The following VWA8 variants were observed in gnomAD, a reference collection of about 807,000 sequenced individuals.
VWA8 encodes the protein von Willebrand factor A domain containing 8.
In VWA8, 221 loss-of-function variants were observed where a neutral mutation model predicts 241.5. That is an observed-to-expected ratio of 0.91 (90% CI 0.82 to 1.02). The LOEUF (loss-of-function observed/expected upper bound fraction) is 1.02, where lower values mean the gene tolerates loss of function less well. VWA8 is among the 50% of genes least tolerant of loss of function. The pLI, the probability that VWA8 is intolerant of heterozygous loss-of-function variation, is 0.00. For missense variants in VWA8, 2,322 were observed against 2,328.7 expected (o/e 1.00, Z 0.06); for synonymous variants, 852 against 827.1 (o/e 1.03, Z -0.52).
At chr13:41,625,054 T>C (rs1002640278) in intron 37 of VWA8, among the ~76,000 whole-genome samples, 1 of 152,118 alleles carries the variant, frequency 6.6e-6, no homozygotes, top group Non-Finnish European at 1.5e-5. Context: ...AAATCAAGAA[T>C]GCAATCCCAT....
At chr13:41,847,642 G>C (rs1462419323) in intron 12 of VWA8, among the ~76,000 whole-genome samples, 1 of 152,168 alleles carries the variant, frequency 6.6e-6, no homozygotes, top group Admixed American at 6.5e-5. Flanking sequence ...AATTACTTTA[G>C]ACTCTCTGGT....
chr13:41,826,554 A>G (rs8001821), intron 14 of VWA8, among the ~76,000 whole-genome samples: 4 of 152,148 alleles, frequency 2.6e-5, no homozygotes, highest in African/African-American at 9.7e-5. Flanking sequence ...GTTCATCAGA[A>G]TATACCATGG....
At chr13:41,912,965 A>C (rs1219870354) in intron 2 of VWA8, among the ~76,000 whole-genome samples, 1 of 152,196 alleles carries the variant, frequency 6.6e-6, no homozygotes, top group Non-Finnish European at 1.5e-5. Flanking sequence ...AACCTTGTAC[A>C]TCAAGAGACA....
chr13:41,796,273 C>A (rs923946315), intron 17 of VWA8, among the ~76,000 whole-genome samples: 6 of 152,002 alleles, frequency 3.9e-5, no homozygotes, highest in Non-Finnish European at 8.8e-5. Context: ...TTATTTAAGG[C>A]AGGGATTCTA....
chr13:41,842,337 C>T (rs1423325658), intron 12 of VWA8, among the ~76,000 whole-genome samples: 1 of 152,148 alleles, frequency 6.6e-6, no homozygotes, highest in Non-Finnish European at 1.5e-5. Context: ...TTTGTAAACT[C>T]TTCCATCCTT....
At chr13:41,752,897 A>G (rs1455613446) in intron 21 of VWA8, among the ~76,000 whole-genome samples, 1 of 152,190 alleles carries the variant, frequency 6.6e-6, no homozygotes, top group African/African-American at 2.4e-5. Flanking sequence ...TTTGATCTCT[A>G]AAACCCACGC....
chr13:41,932,184 AAC>A (rs1491448360), intron 2 of VWA8, among the ~76,000 whole-genome samples: 2 of 152,076 alleles, frequency 1.3e-5, no homozygotes, highest in African/African-American at 4.8e-5. Flanking sequence ...TTAAAAAAAA[AAC>A]ACTTATGCTA....
At position 41,623,422 on chromosome 13, in the gene VWA8, T is replaced by C. The variant is rs148855428; in HGVS notation, c.4612-8338A>G. The stretch of plus-strand genomic sequence containing the variant: ...TATAGTTAAGCCATTGTTATTTGGG[T>C]TTTCTGCTACTTGGAGTCAACTGCA... On this transcript the variant is annotated intron_variant, in intron 37 of 44. Transcript: ENST00000379310. Among the ~76,000 whole-genome samples, 152 of 152,294 alleles carry C rather than the reference T, an allele frequency of 1.0e-3. 5 individuals are homozygous for C. The highest frequency in any genetic ancestry group is 3.4e-3 in the African/African-American group (140 of 41,560).
chr13:41,813,139 G>C (rs1870543313), intron 16 of VWA8, among the ~76,000 whole-genome samples: 1 of 152,112 alleles, frequency 6.6e-6, no homozygotes, highest in Non-Finnish European at 1.5e-5. Flanking sequence ...ATTCTTAAAG[G>C]CACTAGGATT....
chr13:41,744,962 C>T (rs958097987), intron 21 of VWA8, among the ~76,000 whole-genome samples: 10 of 151,982 alleles, frequency 6.6e-5, no homozygotes, highest in Non-Finnish European at 5.9e-5. Flanking sequence ...CTCAGCCTCC[C>T]GAGTAGCTGG....
At chr13:41,920,377 C>A (rs1363975323) in intron 2 of VWA8, among the ~76,000 whole-genome samples, 1 of 152,052 alleles carries the variant, frequency 6.6e-6, no homozygotes, top group Non-Finnish European at 1.5e-5. Context: ...TTAGAAAGTG[C>A]TTCAGAGGCA....
intron 3 of VWA8, among the ~76,000 whole-genome samples, chr13:41,908,347 T>A (rs566246094): frequency 6.6e-6 from 1 of 152,118 alleles, no homozygotes; most frequent in South Asian, 2.1e-4. Context: ...ATGCCTGTAG[T>A]CCCTGCTACT....
intron 2 of VWA8, among the ~76,000 whole-genome samples, chr13:41,923,277 G>T (rs1876649353): frequency 6.6e-6 from 1 of 152,086 alleles, no homozygotes; most frequent in African/African-American, 2.4e-5. Context: ...ACACACCGGG[G>T]CTTGCCGTGG....
intron 4 of VWA8, among the ~76,000 whole-genome samples, chr13:41,903,773 G>C (rs1875571125): frequency 6.6e-6 from 1 of 152,148 alleles, no homozygotes; most frequent in Non-Finnish European, 1.5e-5. Flanking sequence ...GATGTAATGG[G>C]ACATTACTGC....
chr13:41,726,467 T>C (rs1376086175), intron 24 of VWA8, among the ~76,000 whole-genome samples: 2 of 152,232 alleles, frequency 1.3e-5, no homozygotes, highest in Non-Finnish European at 2.9e-5. Flanking sequence ...TGAGTAAGTT[T>C]ATCCCAGGGC....
chr13:41,734,447 T>C (rs2045509579), intron 21 of VWA8, among the ~76,000 whole-genome samples: 1 of 151,904 alleles, frequency 6.6e-6, no homozygotes, highest in African/African-American at 2.4e-5. Context: ...GACTGAGGAG[T>C]TGATGGTTTA....
chr13:41,782,013 T>C (rs1868910212), intron 19 of VWA8, among the ~76,000 whole-genome samples: 1 of 152,158 alleles, frequency 6.6e-6, no homozygotes, highest in South Asian at 2.1e-4. Flanking sequence ...AAGTACAGCA[T>C]AAAAGGAAGT....
chr13:41,863,395 T>TTG (rs140177608), intron 12 of VWA8, among the ~76,000 whole-genome samples: 3,275 of 90,022 alleles, frequency 0.036, 148 homozygotes, highest in Non-Finnish European at 0.055. Flanking sequence ...TATCTCCTAT[T>TTG]TGTGTGTGTG....
Position 41,833,364 on chromosome 13 carries a change from T to C in VWA8, c.1586+7A>G, listed in dbSNP as rs1180353134. The C allele has an allele frequency of 5.0e-6, 8 of 1,604,114 alleles. No homozygotes were observed. The highest frequency in any genetic ancestry group is 6.8e-6 in the Non-Finnish European group (8 of 1,175,412). The stretch of plus-strand genomic sequence containing the variant: ...GTCTGTGTGTGATTTTTGTGACTCA[T>C]ACCCACCTTTGCAATACAGCAAGCG... On this transcript the variant is annotated splice_region_variant and intron_variant, in intron 13 of 44. Transcript: ENST00000379310.
Sources: gnomAD v4.1 joint callset for allele counts (sites outside exome capture counted in the v4.1 genomes callset) on GRCh38, gnomAD v4.1.1 for gene constraint, MANE v1.5 for transcripts, NCBI Gene and HGNC (gene_info 2026-07-23, HGNC 2026-07-21) for gene names.